The following RPS6KA5 variants were observed in gnomAD, a reference collection of about 807,000 sequenced individuals.
The protein encoded by RPS6KA5 is ribosomal protein S6 kinase alpha-5.
RPS6KA5 carries 27 observed loss-of-function variants against 85.5 expected under a neutral mutation model. The ratio of observed to expected loss-of-function variants is 0.32; its 90% CI spans 0.23 to 0.44. RPS6KA5 has a LOEUF of 0.44. Among genes scored for constraint, RPS6KA5 ranks in the 20% least tolerant of loss-of-function variants. RPS6KA5 has a pLI of 1.00. For missense variants in RPS6KA5, 811 were observed against 980.9 expected (o/e 0.83, Z 2.31); for synonymous variants, 334 against 348.2 (o/e 0.96, Z 0.46).
chr14:91,032,681 T>C (rs1472836147), intron 1 of RPS6KA5, among the ~76,000 whole-genome samples: 1 of 151,192 alleles, frequency 6.6e-6, no homozygotes, highest in African/African-American at 2.4e-5. Context: ...GAATATATAG[T>C]CCACATCAAA....
chr14:91,060,225 C>T (rs1245072718), intron 1 of RPS6KA5, 107 bp downstream of exon 1: 1 of 963,942 alleles, frequency 1.0e-6, no homozygotes, highest in African/African-American at 1.8e-5. Context: ...GCCCGCCCCT[C>T]CGCGCCCACG....
Position 90,971,353 on chromosome 14 carries a change from T to A in RPS6KA5, c.394+6953A>T, listed in dbSNP as rs182532729. Among the ~76,000 whole-genome samples, 8 of 152,282 alleles carry A rather than the reference T, an allele frequency of 5.3e-5. No homozygotes were observed. In the East Asian group the frequency reaches 1.4e-3, roughly 26 times the overall value. ...ATTATTGGAACCCTACCATGCCTAT[T>A]TATTCACTACTGCCTATGGTCAAAG... On this transcript the variant is annotated intron_variant, in intron 3 of 16. Coordinates refer to ENST00000614987, the MANE Select transcript of RPS6KA5 (RefSeq NM_004755.4).
chr14:90,922,593 G>C (rs1037828634), intron 6 of RPS6KA5, among the ~76,000 whole-genome samples: 1 of 152,198 alleles, frequency 6.6e-6, no homozygotes, highest in Non-Finnish European at 1.5e-5. Flanking sequence ...AATTACAGGC[G>C]CTCGCCACCA....
chr14:90,884,006 A>T (rs1339333632), intron 14 of RPS6KA5, among the ~76,000 whole-genome samples: 2 of 152,014 alleles, frequency 1.3e-5, no homozygotes, highest in Non-Finnish European at 2.9e-5. Context: ...AAAAAGGGGG[A>T]CTGGTCCTTT....
In RPS6KA5 at chr14:90,862,964, A is replaced by T. The variant is rs150100891; in HGVS notation, c.*9110T>A. 2.0e-5 allele frequency: 3 copies of T among 152,348 alleles called. No individual in the cohort carries two copies. Among genetic ancestry groups the T allele is most frequent in the Admixed American group, 2.0e-4 (3 of 15,296 alleles). The allele number at this position is 152,348 out of a possible 1,614,324, so 9.4% of individuals were successfully genotyped here. Reference sequence around the variant, plus strand: ...ATTTAGTAAAAACTCTCTGAAAATTAGAAATAAAACAATCTGCTATATGAT... The same window carrying T: ...ATTTAGTAAAAACTCTCTGAAAATTTGAAATAAAACAATCTGCTATATGAT... On this transcript the variant is annotated 3_prime_UTR_variant, in exon 17 of 17. Coordinates refer to ENST00000614987, the MANE Select transcript of RPS6KA5 (RefSeq NM_004755.4).
chr14:90,968,259 T>C (rs2039163028), intron 3 of RPS6KA5, among the ~76,000 whole-genome samples: 1 of 152,056 alleles, frequency 6.6e-6, no homozygotes, highest in Admixed American at 6.5e-5. Context: ...CACCTGACCT[T>C]CTCTGTAGAC....
At position 90,865,843 on chromosome 14, in the gene RPS6KA5, T is replaced by C. The variant is rs2032781171; in HGVS notation, c.*6231A>G. On this transcript the variant is annotated 3_prime_UTR_variant, in exon 17 of 17. Transcript: ENST00000614987. ...AAAGCCTTTTAAAGAGATTTGTCCA[T>C]ACGGGCACTGAAATAACATTTTTGT... is the stretch of plus-strand genomic sequence containing the variant. 6.6e-6 allele frequency: 1 copy of C among 152,164 alleles called. No individual in the cohort carries two copies. Among genetic ancestry groups the C allele is most frequent in the South Asian group, 2.1e-4 (1 of 4,838 alleles). 9.4% of individuals were successfully genotyped at this position (152,164 alleles called of 1,614,324 possible). A position where few individuals can be genotyped will look rare whatever the true frequency, so the allele number is the denominator to read the frequency against.
At chr14:91,040,492 G>A (rs111364122) in intron 1 of RPS6KA5, among the ~76,000 whole-genome samples, 3,086 of 152,172 alleles carry the variant, frequency 0.02, 36 homozygotes, top group Non-Finnish European at 0.028. Context: ...AGAGTCTAAG[G>A]TGCCTGTGGA....
intron 2 of RPS6KA5, among the ~76,000 whole-genome samples, chr14:90,987,700 CACA>C (rs58564796): frequency 1.3e-5 from 2 of 151,500 alleles, no homozygotes; most frequent in Non-Finnish European, 2.9e-5. Flanking sequence ...CAGCAGCAGC[CACA>C]ACAACAACAA....
chr14:90,873,723 C>T lies in RPS6KA5; in HGVS notation c.2069G>A (p.Gly690Glu). 6.2e-7 allele frequency: 1 copy of T among 1,614,106 alleles called. No homozygotes were observed. Among genetic ancestry groups the T allele is most frequent in the East Asian group, 2.2e-5 (1 of 44,874 alleles). ...CAGAGGATTGGAGGACAGCTGACTT[C>T]CATCTTGTAGCCATTCATTGTACCT... ...GLRYNEWLQDGSQLSSNPLMT... is the reference protein window; with the variant it reads ...GLRYNEWLQDESQLSSNPLMT... Residue 690 changes from glycine (G) to glutamate (E), a missense_variant, in exon 16 of 17, where the codon GGA becomes GAA. This residue lies in a region of RPS6KA5 where 650 missense variants were observed against 793.4 expected (regional missense o/e 0.82). Coordinates refer to ENST00000614987, the MANE Select transcript of RPS6KA5 (RefSeq NM_004755.4).
chr14:90,983,926 C>T (rs552431999), intron 2 of RPS6KA5, among the ~76,000 whole-genome samples: 125 of 151,730 alleles, frequency 8.2e-4, no homozygotes, highest in African/African-American at 2.9e-3. Flanking sequence ...CTCACTGCAA[C>T]CTCTCCCTTT....
chr14:90,906,800 C>T (rs529658116), intron 7 of RPS6KA5, among the ~76,000 whole-genome samples: 4 of 152,032 alleles, frequency 2.6e-5, no homozygotes, highest in African/African-American at 7.2e-5. Flanking sequence ...GGAAGTCCAC[C>T]GAGACAAGTG....
intron 2 of RPS6KA5, among the ~76,000 whole-genome samples, chr14:90,982,810 C>A (rs1280659089): frequency 1.3e-5 from 2 of 151,786 alleles, no homozygotes; most frequent in Non-Finnish European, 2.9e-5. Context: ...GAAACCCCGT[C>A]TCTACTAAAA....
At chr14:90,879,475 C>G (rs999789741) in intron 14 of RPS6KA5, among the ~76,000 whole-genome samples, 2 of 152,184 alleles carry the variant, frequency 1.3e-5, no homozygotes, top group African/African-American at 4.8e-5. Context: ...GGTGCTGTCT[C>G]TGAGAGCTGT....
At chr14:90,976,394 T>C (rs1402903319) in intron 3 of RPS6KA5, among the ~76,000 whole-genome samples, 1 of 152,150 alleles carries the variant, frequency 6.6e-6, no homozygotes, top group Non-Finnish European at 1.5e-5. Flanking sequence ...ACAGTCCTCA[T>C]GGACTTCCTA....
chr14:90,880,428 C>T (rs1221573744), intron 14 of RPS6KA5, among the ~76,000 whole-genome samples: 2 of 152,192 alleles, frequency 1.3e-5, no homozygotes, highest in South Asian at 4.1e-4. Flanking sequence ...CAATAATCAT[C>T]TATGTTTTTG....
chr14:91,040,182 A>G (rs1270885985), intron 1 of RPS6KA5, among the ~76,000 whole-genome samples: 3 of 152,174 alleles, frequency 2.0e-5, no homozygotes, highest in African/African-American at 7.2e-5. Context: ...TGAGGCGGGC[A>G]GATCACTTGA....
At chr14:90,948,994 G>A (rs1566780430) in intron 3 of RPS6KA5, among the ~76,000 whole-genome samples, 1 of 152,290 alleles carries the variant, frequency 6.6e-6, no homozygotes, top group East Asian at 1.9e-4. Flanking sequence ...CTAATAGCTA[G>A]TTGTTTTGCA....
intron 5 of RPS6KA5, among the ~76,000 whole-genome samples, chr14:90,939,426 C>T (rs896016860): frequency 1.3e-5 from 2 of 152,166 alleles, no homozygotes; most frequent in Admixed American, 6.6e-5. Context: ...ACATTTTCAG[C>T]AGCACCCCAC....
Sources: allele counts gnomAD v4.1 joint callset (sites outside exome capture counted in the v4.1 genomes callset), GRCh38; gene constraint gnomAD v4.1.1; regional missense constraint gnomAD v4.1.1; transcripts MANE v1.5; gene names NCBI Gene and HGNC (gene_info 2026-07-23, HGNC 2026-07-21).